The following TNFRSF8 variants were observed in gnomAD, a reference collection of about 807,000 sequenced individuals.
TNFRSF8 encodes TNF receptor superfamily member 8.
Under a neutral mutation model 70.8 loss-of-function variants are expected in TNFRSF8, and 26 were observed. The observed-to-expected ratio is 0.37, with a 90% CI of 0.27 to 0.51. TNFRSF8 has a LOEUF of 0.51. TNFRSF8 is among the 20% of genes least tolerant of loss of function. The pLI is 0.94. For synonymous variants in TNFRSF8, 356 were observed against 339.2 expected (o/e 1.05, Z -0.54); for missense variants, 720 against 807.9 (o/e 0.89, Z 1.32).
intron 6 of TNFRSF8, among the ~76,000 whole-genome samples, chr1:12,111,097 T>G (rs1641621700): frequency 6.6e-6 from 1 of 152,210 alleles, no homozygotes; most frequent in Admixed American, 6.5e-5. Context: ...TCTAACAATT[T>G]TGGGTTGGAG....
chr1:12,108,390 C>A lies in TNFRSF8; in HGVS notation c.422-1176C>A, dbSNP rs1314662903. Among the ~76,000 whole-genome samples the A allele has an allele frequency of 6.6e-6, 1 of 151,928 alleles. No individual in the cohort carries two copies. The highest frequency in any genetic ancestry group is 1.5e-5 in the Non-Finnish European group (1 of 67,980). ...ACCGTGCCTGGCGACATACGGGTCA[C>A]CTTCTAAGTGTTGGGATGGGAGTCC... On this transcript the variant is annotated intron_variant, in intron 4 of 14. Coordinates refer to ENST00000263932, the MANE Select transcript of TNFRSF8 (RefSeq NM_001243.5). The surrounding 1 kb of genome is among the most constrained non-coding windows in gnomAD (Gnocchi z 4.0).
intron 1 of TNFRSF8, among the ~76,000 whole-genome samples, chr1:12,075,222 C>T (rs1019148874): frequency 1.0e-4 from 15 of 150,024 alleles, no homozygotes; most frequent in African/African-American, 3.5e-4. Flanking sequence ...CCAGCCTGGG[C>T]GACAGAGTGA....
At chr1:12,137,225 T>G (rs994764348) in intron 13 of TNFRSF8, among the ~76,000 whole-genome samples, 6 of 152,160 alleles carry the variant, frequency 3.9e-5, no homozygotes, top group Non-Finnish European at 8.8e-5. Flanking sequence ...GGTTTTGTTT[T>G]AAAAAGCTCC....
chr1:12,118,258 G>A (rs978354611), intron 8 of TNFRSF8, among the ~76,000 whole-genome samples: 1 of 152,028 alleles, frequency 6.6e-6, no homozygotes, highest in Non-Finnish European at 1.5e-5. Flanking sequence ...TTACAGGCGT[G>A]CACCACCACA....
rs1013535388 is a variant in TNFRSF8 at position 12,109,142 on chromosome 1, A to G, written c.422-424A>G. On this transcript the variant is annotated intron_variant, in intron 4 of 14. Transcript: ENST00000263932. The surrounding 1 kb of genome is among the most constrained non-coding windows in gnomAD (Gnocchi z 4.4). ...AGCTCTGCCCAGCGCCAGTGGGAAGACAGCTTCCCTTTCTTACATTTTTAA... is the reference window on the plus strand; with the variant it reads ...AGCTCTGCCCAGCGCCAGTGGGAAGGCAGCTTCCCTTTCTTACATTTTTAA... Among the ~76,000 whole-genome samples the G allele has an allele frequency of 3.3e-5, 5 of 152,168 alleles. No individual in the cohort carries two copies. The highest frequency in any genetic ancestry group is 7.4e-5 in the Non-Finnish European group (5 of 68,026).
chr1:12,117,324 C>T (rs531114786), intron 8 of TNFRSF8, among the ~76,000 whole-genome samples: 4 of 152,270 alleles, frequency 2.6e-5, no homozygotes, highest in African/African-American at 9.6e-5. Context: ...CTCAAGTGAT[C>T]TGCCCGCCTC....
At chr1:12,136,693 T>TATGAAAGA (rs1254082194) in intron 13 of TNFRSF8, among the ~76,000 whole-genome samples, 2 of 151,606 alleles carry the variant, frequency 1.3e-5, no homozygotes, top group Admixed American at 6.6e-5. Context: ...TTCATATTAT[T>TATGAAAGA]ATGAAAGAGT....
chr1:12,118,846 G>C (rs1641780699), intron 8 of TNFRSF8, among the ~76,000 whole-genome samples: 1 of 151,718 alleles, frequency 6.6e-6, no homozygotes, highest in South Asian at 2.1e-4. Flanking sequence ...GGTTGCATTT[G>C]TTTTTTTGTT....
rs201493268 is a variant in TNFRSF8 at position 12,082,184 on chromosome 1, A to T, written c.64-2280A>T. The stretch of plus-strand genomic sequence containing the variant: ...TCTCAACAAAGAATTTCCTCTCTTG[A>T]ATCCTTTCTTATGATGGTGCTTCAC... On this transcript the variant is annotated intron_variant, in intron 1 of 14. Transcript: ENST00000263932. 4.6e-5 allele frequency among the ~76,000 whole-genome samples: 7 copies of T among 152,322 alleles called. No homozygotes were observed. The South Asian group carries it at 6.2e-4, about 14-fold the overall frequency.
chr1:12,119,308 A>G lies in TNFRSF8; in HGVS notation c.946+3579A>G, dbSNP rs1641788950. ...CCTCTGTGCATCCCCCACCAGCCAC[A>G]GGTCTTTGGCACCCCAAAGTGCTCC... On this transcript the variant is annotated intron_variant, in intron 8 of 14. Transcript: ENST00000263932. This position sits in a 1 kb window ranked among gnomAD's most constrained non-coding sequence, Gnocchi z 4.4. Among the ~76,000 whole-genome samples, 1 of 152,176 alleles carries G rather than the reference A, an allele frequency of 6.6e-6. No homozygotes were observed. The highest frequency in any genetic ancestry group is 1.5e-5 in the Non-Finnish European group (1 of 68,032).
intron 1 of TNFRSF8, among the ~76,000 whole-genome samples, chr1:12,075,451 T>C (rs1283769886): frequency 6.6e-6 from 1 of 152,082 alleles, no homozygotes; most frequent in Non-Finnish European, 1.5e-5. Context: ...GTTTGGGAAA[T>C]GACAGTGAAG....
chr1:12,080,562 T>G (rs910750176), intron 1 of TNFRSF8: 4 of 383,098 alleles, frequency 1.0e-5, no homozygotes, highest in Non-Finnish European at 2.0e-5. Flanking sequence ...TACCTATTTT[T>G]ATTTATTTTT....
Position 12,063,680 on chromosome 1 carries a change from C to T in TNFRSF8, c.63+19C>T. ...CCCACAGGTAAGCGGGTGACGGGCG[C>T]CTGGGGAGGTGCCGGCGGTCCAGAG... On this transcript the variant is annotated intron_variant, in intron 1 of 14. Coordinates refer to ENST00000263932, the MANE Select transcript of TNFRSF8 (RefSeq NM_001243.5). This position sits in a 1 kb window ranked among gnomAD's most constrained non-coding sequence, Gnocchi z 7.2. 1 of 1,267,498 alleles carries T rather than the reference C, an allele frequency of 7.9e-7. No individual in the cohort carries two copies. The highest frequency in any genetic ancestry group is 1.0e-6 in the Non-Finnish European group (1 of 997,496). 78.5% of individuals were successfully genotyped at this position (1,267,498 alleles called of 1,614,324 possible).
At chr1:12,104,280 G>A (rs1292661746) in intron 3 of TNFRSF8, 99 bp from the exon 4 acceptor site, 2 of 1,357,370 alleles carry the variant, frequency 1.5e-6, no homozygotes, top group Non-Finnish European at 2.1e-6. Context: ...CGGAGGCTGC[G>A]TTGCGGACTG....
Position 12,067,391 on chromosome 1 carries a change from A to T in TNFRSF8, c.63+3730A>T, listed in dbSNP as rs1304612466. ...GGCTGGGACCAGGAAGGTTCTCATG[A>T]AAGTATCTTAGCTGGGGCCGGGCGC... On this transcript the variant is annotated intron_variant, in intron 1 of 14. Coordinates refer to ENST00000263932, the MANE Select transcript of TNFRSF8 (RefSeq NM_001243.5). Among the ~76,000 whole-genome samples, 4 of 152,154 alleles carry T rather than the reference A, an allele frequency of 2.6e-5. No homozygotes were observed. The East Asian group carries it at 7.7e-4, about 29-fold the overall frequency.
chr1:12,063,438 G>T lies in TNFRSF8; in HGVS notation c.-161G>T. The stretch of plus-strand genomic sequence containing the variant: ...ACCACTTTTGAAGTGACTTCGCGGC[G>T]TGCGTTGGGTGCGGACTAGGTGGCC... On this transcript the variant is annotated 5_prime_UTR_variant, in exon 1 of 15. Coordinates refer to ENST00000263932, the MANE Select transcript of TNFRSF8 (RefSeq NM_001243.5). The surrounding 1 kb of genome is among the most constrained non-coding windows in gnomAD (Gnocchi z 7.2). 6.3e-6 allele frequency: 3 copies of T among 479,142 alleles called. No homozygotes were observed. The highest frequency in any genetic ancestry group is 1.0e-5 in the Non-Finnish European group (3 of 299,094). 29.7% of individuals were successfully genotyped at this position (479,142 alleles called of 1,614,324 possible).
chr1:12,113,662 C>T lies in TNFRSF8; in HGVS notation c.793+1648C>T, dbSNP rs1294713670. ...CAGAAAGAGAAAGAGACGGAGTGAG[C>T]GAGAGAGAGAGAGACAGAAAGACAG... On this transcript the variant is annotated intron_variant, in intron 7 of 14. Coordinates refer to ENST00000263932, the MANE Select transcript of TNFRSF8 (RefSeq NM_001243.5). This position sits in a 1 kb window ranked among gnomAD's most constrained non-coding sequence, Gnocchi z 4.9. Among the ~76,000 whole-genome samples, 3 of 130,888 alleles carry T rather than the reference C, an allele frequency of 2.3e-5. No individual in the cohort carries two copies. Among genetic ancestry groups the T allele is most frequent in the African/African-American group, 6.0e-5 (2 of 33,440 alleles). The allele number at this position is 130,888 out of a possible 152,430, so 85.9% of individuals were successfully genotyped here. A position where few individuals can be genotyped will look rare whatever the true frequency, so the allele number is the denominator to read the frequency against.
At chr1:12,140,864 C>T (rs1349511066) in intron 14 of TNFRSF8, among the ~76,000 whole-genome samples, 1 of 151,902 alleles carries the variant, frequency 6.6e-6, no homozygotes, top group Non-Finnish European at 1.5e-5. Context: ...TGGGCCTTCT[C>T]TCCCCTCCTG....
intron 1 of TNFRSF8, among the ~76,000 whole-genome samples, chr1:12,068,405 G>A (rs1489661306): frequency 6.6e-6 from 1 of 152,108 alleles, no homozygotes; most frequent in East Asian, 1.9e-4. Context: ...ACAGTTCCAG[G>A]ACTGGTCGGG....
Sources: gnomAD v4.1 joint callset for allele counts (sites outside exome capture counted in the v4.1 genomes callset) on GRCh38, gnomAD v4.1.1 for gene constraint, Gnocchi (gnomAD v3.1) non-coding constraint, MANE v1.5 for transcripts, NCBI Gene and HGNC (gene_info 2026-07-23, HGNC 2026-07-21) for gene names.